NRG1: variants seen among roughly 807,000 people sequenced by gnomAD.
NRG1 encodes the protein neuregulin 1, also known as pro-neuregulin-1, membrane-bound isoform.
Under a neutral mutation model 63.8 loss-of-function variants are expected in NRG1, and 18 were observed. That is an observed-to-expected ratio of 0.28 (90% CI 0.19 to 0.42). The LOEUF is 0.42. Among genes scored for constraint, NRG1 ranks in the 10% least tolerant of loss-of-function variants. The pLI, the probability that NRG1 is intolerant of heterozygous loss-of-function variation, is 1.00. For missense variants in NRG1, 762 were observed against 814.7 expected, an observed-to-expected ratio of 0.94 and a Z score of 0.79; for synonymous variants, 302 against 301.3, an observed-to-expected ratio of 1.00 and a Z score of -0.02.
At chr8:32,427,390 G>A (rs1411192319) in intron 1 of NRG1, among the ~76,000 whole-genome samples, 3 of 151,942 alleles carry the variant, frequency 2.0e-5, no homozygotes, top group South Asian at 2.1e-4. Context: ...TCCTTCCTGC[G>A]ATCACAGCTG....
chr8:31,832,249 G>GTTTTTTTTTTT (rs5890599), intron 1 of NRG1, among the ~76,000 whole-genome samples: 2 of 136,142 alleles, frequency 1.5e-5, no homozygotes, highest in Non-Finnish European at 1.6e-5. Context: ...AAATGCTCTA[G>GTTTTTTTTTTT]TTTTTTTTTT....
intron 1 of NRG1, among the ~76,000 whole-genome samples, chr8:32,364,513 A>G: frequency 6.6e-6 from 1 of 152,104 alleles, no homozygotes; most frequent in East Asian, 1.9e-4. Flanking sequence ...TTCATGACTG[A>G]TTTTTAATAG....
At chr8:32,571,563 C>T (rs557916615) in intron 1 of NRG1, among the ~76,000 whole-genome samples, 2 of 152,164 alleles carry the variant, frequency 1.3e-5, no homozygotes, top group Non-Finnish European at 2.9e-5. Flanking sequence ...CTTTTGCCTT[C>T]GTATCAGCCA....
intron 1 of NRG1, among the ~76,000 whole-genome samples, chr8:32,233,798 C>T (rs1242173382): frequency 7.9e-5 from 12 of 151,830 alleles, no homozygotes; most frequent in African/African-American, 1.9e-4. Flanking sequence ...CTCTTGATCT[C>T]GTGATCCACC....
At chr8:32,563,700 C>T (rs1836889365) in intron 1 of NRG1, among the ~76,000 whole-genome samples, 1 of 152,120 alleles carries the variant, frequency 6.6e-6, no homozygotes, top group Admixed American at 6.5e-5. Flanking sequence ...TTATGTTCTT[C>T]ACATTCAGTT....
intron 1 of NRG1, among the ~76,000 whole-genome samples, chr8:32,582,106 A>ATTTTATTTTATTTTATTTTATTTTAT (rs367843449): frequency 6.9e-6 from 1 of 145,558 alleles, no homozygotes; most frequent in African/African-American, 2.6e-5. Context: ...GTTTTGTTTT[A>ATTTTATTTTATTTTATTTTATTTTAT]TTTATTTTTG....
chr8:32,760,864 G>A (rs1830569707), intron 11 of NRG1: 4 of 1,000,552 alleles, frequency 4.0e-6, no homozygotes, highest in Non-Finnish European at 2.4e-6. Flanking sequence ...TCCAGCCTCA[G>A]TTAAGTCAAA....
chr8:32,218,597 G>A (rs1845489028), intron 1 of NRG1, among the ~76,000 whole-genome samples: 1 of 152,194 alleles, frequency 6.6e-6, no homozygotes, highest in African/African-American at 2.4e-5. Flanking sequence ...TTTAGAAATG[G>A]TTTTCCTTCC....
chr8:31,745,848 A>G (rs995332796), intron 1 of NRG1, among the ~76,000 whole-genome samples: 1 of 151,928 alleles, frequency 6.6e-6, no homozygotes, highest in Non-Finnish European at 1.5e-5. Context: ...GGAGAAAGAG[A>G]GAGGAATAGT....
chr8:32,068,236 A>G (rs1825191067), intron 1 of NRG1, among the ~76,000 whole-genome samples: 1 of 152,186 alleles, frequency 6.6e-6, no homozygotes. Flanking sequence ...TTTGAGCTAA[A>G]GTTTGTTTCT....
At chr8:32,123,096 G>A (rs1269051196) in intron 1 of NRG1, among the ~76,000 whole-genome samples, 1 of 151,946 alleles carries the variant, frequency 6.6e-6, no homozygotes, top group African/African-American at 2.4e-5. Context: ...AATGCACCTG[G>A]ATCAGTGTAC....
intron 1 of NRG1, among the ~76,000 whole-genome samples, chr8:32,385,361 G>A (rs1174467201): frequency 1.3e-5 from 2 of 152,118 alleles, no homozygotes. Context: ...AAAGAAGCTT[G>A]AGAGGCAAAA....
intron 1 of NRG1, among the ~76,000 whole-genome samples, chr8:31,925,533 C>A (rs1284252855): frequency 6.6e-6 from 1 of 152,042 alleles, no homozygotes; most frequent in Non-Finnish European, 1.5e-5. Context: ...AAATACTTGG[C>A]CTGGATATAC....
chr8:32,045,466 A>G (rs1371922395), intron 1 of NRG1, among the ~76,000 whole-genome samples: 1 of 152,000 alleles, frequency 6.6e-6, no homozygotes, highest in African/African-American at 2.4e-5. Context: ...TTTTGTAGAT[A>G]TAGACAAGCT....
intron 1 of NRG1, among the ~76,000 whole-genome samples, chr8:31,649,310 C>A (rs998132440): frequency 3.3e-5 from 5 of 152,264 alleles, no homozygotes; most frequent in African/African-American, 1.2e-4. Context: ...TTTTCCATAG[C>A]AGCTGCACCA....
intron 1 of NRG1, among the ~76,000 whole-genome samples, chr8:32,439,320 T>A (rs1404035240): frequency 6.6e-6 from 1 of 152,230 alleles, no homozygotes; most frequent in African/African-American, 2.4e-5. Context: ...TCATAATTTG[T>A]CATTTCTTTG....
intron 1 of NRG1, among the ~76,000 whole-genome samples, chr8:32,335,044 T>C (rs1803085914): frequency 6.6e-6 from 1 of 152,118 alleles, no homozygotes; most frequent in African/African-American, 2.4e-5. Context: ...CTCAGAAAAA[T>C]AATGATCCAT....
intron 1 of NRG1, among the ~76,000 whole-genome samples, chr8:32,102,922 A>T (rs35595379): frequency 0.55 from 82,866 of 151,858 alleles, 23,964 homozygotes; most frequent in Admixed American, 0.65. Context: ...GTAGGTACAC[A>T]GTAGGTGTCT....
intron 1 of NRG1, among the ~76,000 whole-genome samples, chr8:32,177,687 C>T (rs1462334685): frequency 6.6e-6 from 1 of 151,780 alleles, no homozygotes; most frequent in African/African-American, 2.4e-5. Flanking sequence ...GATGATTATA[C>T]TTAAATATTT....
Sources: allele counts gnomAD v4.1 joint callset (sites outside exome capture counted in the v4.1 genomes callset), GRCh38; gene constraint gnomAD v4.1.1; transcripts MANE v1.5; gene names NCBI Gene and HGNC (gene_info 2026-07-23, HGNC 2026-07-21).